INTS6: variants seen among roughly 807,000 people sequenced by gnomAD.
INTS6 encodes DEAD box protein.
In INTS6, 16 loss-of-function variants were observed where a neutral mutation model predicts 104.9. The ratio of observed to expected loss-of-function variants is 0.15; its 90% CI spans 0.10 to 0.23. INTS6 has a LOEUF of 0.23. Ranked by LOEUF, INTS6 falls within the 10% of genes least tolerant of loss-of-function variation. The pLI, the probability that INTS6 is intolerant of heterozygous loss-of-function variation, is 1.00. For missense variants in INTS6, 584 were observed against 1,062.8 expected (o/e 0.55, Z 6.26); for synonymous variants, 324 against 358.7 (o/e 0.90, Z 1.09).
rs1337452327 is a variant in INTS6 at position 51,448,950 on chromosome 13, T to C, written c.339+2075A>G. On this transcript the variant is annotated intron_variant, in intron 3 of 17. Coordinates refer to ENST00000311234, the MANE Select transcript of INTS6 (RefSeq NM_012141.3). ...GTACTTTTACAAAGAAGAAAACACA[T>C]GAACAATATTCAGTATTAAATATTT... 8.5e-5 allele frequency: 13 copies of C among 152,292 alleles called. No individual in the cohort carries two copies. In the East Asian group the frequency reaches 2.1e-3, roughly 25 times the overall value. The allele number at this position is 152,292 out of a possible 1,614,324, so 9.4% of individuals were successfully genotyped here.
chr13:51,375,990 T>C (rs1272627227), intron 13 of INTS6, 58 bp downstream of exon 13: 1 of 1,419,928 alleles, frequency 7.0e-7, no homozygotes, highest in Non-Finnish European at 9.5e-7. Context: ...CATGCTATGC[T>C]TTTTCAGACT....
the INTS6 span, chr13:51,344,397 G>C: frequency 6.2e-7 from 1 of 1,612,142 alleles, no homozygotes; most frequent in Non-Finnish European, 8.5e-7. Flanking sequence ...TCTCCTGGTG[G>C]GCTAACAGCA....
chr13:51,413,375 TAAG>T (rs1956725365), intron 4 of INTS6, among the ~76,000 whole-genome samples: 1 of 152,114 alleles, frequency 6.6e-6, no homozygotes. Context: ...CTAACCCCTG[TAAG>T]AAGAATTAGG....
chr13:51,382,506 CCAACAGCA>C (rs1956071761), intron 9 of INTS6, among the ~76,000 whole-genome samples: 1 of 152,136 alleles, frequency 6.6e-6, no homozygotes, highest in Admixed American at 6.5e-5. Flanking sequence ...TAAGTTTTCT[CCAACAGCA>C]CTCCTCAAAA....
chr13:51,423,097 C>T (rs936794636), intron 4 of INTS6: 21 of 1,268,708 alleles, frequency 1.7e-5, no homozygotes, highest in Non-Finnish European at 2.2e-5. Context: ...GTACCTAGAA[C>T]ATAAATATAG....
intron 3 of INTS6, among the ~76,000 whole-genome samples, chr13:51,432,540 T>C (rs146423160): frequency 1.3e-5 from 2 of 152,324 alleles, no homozygotes; most frequent in East Asian, 3.9e-4. Context: ...GTCATATTTC[T>C]TTCCACACCA....
At chr13:51,352,752 A>C (rs1955418675), downstream of INTS6, among the ~76,000 whole-genome samples, 1 of 152,032 alleles carries the variant, frequency 6.6e-6, no homozygotes, top group Non-Finnish European at 1.5e-5. Context: ...CAATTTAAGG[A>C]AGTTACCTTC....
At position 51,452,086 on chromosome 13, in the gene INTS6, G is replaced by T; in HGVS notation, c.112-31C>A. 2 of 1,597,296 alleles carry T rather than the reference G, an allele frequency of 1.3e-6. No homozygotes were observed. Among genetic ancestry groups the T allele is most frequent in the Non-Finnish European group, 8.6e-7 (1 of 1,168,652 alleles). On this transcript the variant is annotated intron_variant, in intron 1 of 17. Coordinates refer to ENST00000311234, the MANE Select transcript of INTS6 (RefSeq NM_012141.3). This position sits in a 1 kb window ranked among gnomAD's most constrained non-coding sequence, Gnocchi z 4.2. ...GGACGGGAGGAGGAACAGGGCGGGCGACAGGGAAGCACAGAGGCGAGGTTA... is the reference window on the plus strand; with the variant it reads ...GGACGGGAGGAGGAACAGGGCGGGCTACAGGGAAGCACAGAGGCGAGGTTA...
chr13:51,421,804 A>C (rs1956900243), intron 4 of INTS6, among the ~76,000 whole-genome samples: 1 of 152,162 alleles, frequency 6.6e-6, no homozygotes. Context: ...CTATTAAATA[A>C]AAAATTAGGC....
At chr13:51,420,586 A>T (rs993428392) in intron 4 of INTS6, among the ~76,000 whole-genome samples, 2 of 152,152 alleles carry the variant, frequency 1.3e-5, no homozygotes, top group African/African-American at 4.8e-5. Flanking sequence ...ATAAAATACG[A>T]GCTACATAAA....
chr13:51,437,264 A>C (rs1952708613), intron 3 of INTS6: 1 of 152,184 alleles, frequency 6.6e-6, no homozygotes, highest in African/African-American at 2.4e-5. Context: ...AAGATTAATC[A>C]CCTCCTTGAG....
intron 7 of INTS6, 136 bp from the exon 8 acceptor site, chr13:51,383,877 G>T: frequency 1.7e-6 from 1 of 580,396 alleles, no homozygotes; most frequent in Non-Finnish European, 2.8e-6. Context: ...GCAACATTAA[G>T]CTGAAAGGAA....
chr13:51,366,235 C>G (rs1341362933), intron 17 of INTS6, among the ~76,000 whole-genome samples: 2 of 151,916 alleles, frequency 1.3e-5, no homozygotes, highest in African/African-American at 4.8e-5. Context: ...TCTTTGTAAG[C>G]TGAATATTGA....
At chr13:51,372,738 T>TAACCA (rs766491091) in intron 15 of INTS6, among the ~76,000 whole-genome samples, 158 of 152,344 alleles carry the variant, frequency 1.0e-3, no homozygotes, top group Non-Finnish European at 1.9e-3. Flanking sequence ...ATCTGACCAG[T>TAACCA]AACCAAGTCC....
intron 2 of INTS6, chr13:51,451,603 C>G: frequency 6.4e-6 from 1 of 156,396 alleles, no homozygotes; most frequent in Non-Finnish European, 1.4e-5. Context: ...TTAATGCAAA[C>G]CGGGGCTGTG....
chr13:51,444,446 C>T (rs1489008507), intron 3 of INTS6: 2 of 151,324 alleles, frequency 1.3e-5, no homozygotes, highest in Non-Finnish European at 2.9e-5. Context: ...TGAACAATTT[C>T]TAATTAAGAA....
chr13:51,429,806 A>ATG (rs1396696004), intron 4 of INTS6, among the ~76,000 whole-genome samples: 1 of 138,576 alleles, frequency 7.2e-6, no homozygotes, highest in Non-Finnish European at 1.6e-5. Context: ...ATATATATAT[A>ATG]TATGTATAAT....
chr13:51,406,170 A>G (rs2138011786), intron 4 of INTS6, among the ~76,000 whole-genome samples: 1 of 152,278 alleles, frequency 6.6e-6, no homozygotes, highest in South Asian at 2.1e-4. Context: ...GTCTTGCCCA[A>G]TGTATAGTCT....
At chr13:51,406,717 G>T (rs1956574104) in intron 4 of INTS6, among the ~76,000 whole-genome samples, 1 of 151,992 alleles carries the variant, frequency 6.6e-6, no homozygotes, top group African/African-American at 2.4e-5. Flanking sequence ...TGGTCTGGAA[G>T]CCCCCTGTAT....
Sources: gnomAD v4.1 joint callset for allele counts (sites outside exome capture counted in the v4.1 genomes callset) on GRCh38, gnomAD v4.1.1 for gene constraint, Gnocchi (gnomAD v3.1) non-coding constraint, MANE v1.5 for transcripts, NCBI Gene and HGNC (gene_info 2026-07-23, HGNC 2026-07-21) for gene names.